Variants in DHX8 observed in about 807,000 individuals in gnomAD.
DHX8 encodes ATP-dependent RNA helicase DHX8.
In DHX8, 67 loss-of-function variants were observed where a neutral mutation model predicts 140.7. The ratio of observed to expected loss-of-function variants is 0.48; its 90% CI spans 0.39 to 0.58. The LOEUF (loss-of-function observed/expected upper bound fraction) is 0.58. DHX8 is among the 20% of genes least tolerant of loss of function. The pLI, the probability that DHX8 is intolerant of heterozygous loss-of-function variation, is 0.00. For missense variants in DHX8, 887 were observed against 1,550.7 expected (o/e 0.57, Z 7.19); for synonymous variants, 533 against 553.2 (o/e 0.96, Z 0.51).
At chr17:43,516,493 G>A (rs1317662174) in intron 17 of DHX8, among the ~76,000 whole-genome samples, 2 of 152,108 alleles carry the variant, frequency 1.3e-5, no homozygotes, top group African/African-American at 4.8e-5. Context: ...TGCCCAGGCT[G>A]TAGTGCAGTG....
intron 17 of DHX8, among the ~76,000 whole-genome samples, chr17:43,514,831 T>C (rs1336369839): frequency 6.6e-6 from 1 of 152,238 alleles, no homozygotes; most frequent in Non-Finnish European, 1.5e-5. Flanking sequence ...TTGGTGGCAT[T>C]AACATGGTGG....
intron 17 of DHX8, among the ~76,000 whole-genome samples, chr17:43,514,127 A>C (rs1214744918): frequency 6.6e-6 from 1 of 152,148 alleles, no homozygotes; most frequent in African/African-American, 2.4e-5. Flanking sequence ...GGATTGCTTG[A>C]GGCCAAGAGT....
Position 43,520,118 on chromosome 17 carries a change from T to G in DHX8, c.2800-12T>G, listed in dbSNP as rs1227639895. ...ACCCTCTTATCACATGCCTTCTTCC[T>G]TTCTGTTCTAGGCCATGGGTATCAA... On this transcript the variant is annotated splice_polypyrimidine_tract_variant and intron_variant, in intron 18 of 22. Transcript: ENST00000262415. 1 of 1,614,058 alleles carries G rather than the reference T, an allele frequency of 6.2e-7. No homozygotes were observed. The highest frequency in any genetic ancestry group is 1.1e-5 in the South Asian group (1 of 91,036).
intron 19 of DHX8, 93 bp from the exon 20 acceptor site, chr17:43,520,658 G>A (rs1053511727): frequency 6.8e-7 from 1 of 1,479,766 alleles, no homozygotes; most frequent in African/African-American, 1.4e-5. Flanking sequence ...GGGAAAATCT[G>A]TGTTGTTACC....
At chr17:43,486,688 G>C (rs964408460) in intron 1 of DHX8, among the ~76,000 whole-genome samples, 2 of 152,028 alleles carry the variant, frequency 1.3e-5, no homozygotes, top group Admixed American at 6.6e-5. Flanking sequence ...AGACCAGCCT[G>C]ACCAACATGG....
downstream of DHX8, among the ~76,000 whole-genome samples, chr17:43,530,749 G>A (rs1027452011): frequency 1.3e-5 from 2 of 151,914 alleles, no homozygotes; most frequent in African/African-American, 4.8e-5. Context: ...CATTCCATAG[G>A]ATAGGAACCT....
chr17:43,507,821 C>T lies in DHX8; in HGVS notation c.2122C>T (p.Arg708Trp), dbSNP rs764176155. 8.7e-6 allele frequency: 14 copies of T among 1,614,014 alleles called. No individual in the cohort carries two copies. Among genetic ancestry groups the T allele is most frequent in the African/African-American group, 5.3e-5 (4 of 74,914 alleles). ...FGLLKKTVQK[R>W]QDMKLIVTSA... is the part of the protein sequence containing the mutation. ...TATTTCTCTTCAGACAGTTCAGAAA[C>T]GGCAGGACATGAAGCTGATTGTCAC... Residue 708 changes from arginine (R) to tryptophan (W), a missense_variant, in exon 15 of 23, where the codon CGG becomes TGG. Around this residue, in one of 9 missense-constraint regions of DHX8, gnomAD observed 178 missense variants for 398.5 expected, o/e 0.45. Transcript: ENST00000262415.
intron 3 of DHX8, 139 bp from the exon 4 acceptor site, chr17:43,491,026 G>A (rs1968488334): frequency 2.4e-6 from 1 of 421,158 alleles, no homozygotes; most frequent in African/African-American, 2.1e-5. Flanking sequence ...ATAGTAACAG[G>A]TATGATTAAT....
intron 9 of DHX8, among the ~76,000 whole-genome samples, chr17:43,497,840 C>T (rs925142541): frequency 3.0e-4 from 45 of 152,208 alleles, no homozygotes; most frequent in Non-Finnish European, 1.5e-5. Flanking sequence ...GGTTTCTGTA[C>T]CGTTTATACT....
At chr17:43,493,101 G>T in intron 6 of DHX8, 61 bp downstream of exon 6, 1 of 1,557,458 alleles carries the variant, frequency 6.4e-7, no homozygotes, top group Non-Finnish European at 8.7e-7. Context: ...TATCACTGAG[G>T]ATGTTCACAT....
chr17:43,526,575 G>A, downstream of DHX8: 1 of 1,535,658 alleles, frequency 6.5e-7, no homozygotes, highest in Non-Finnish European at 8.7e-7. Flanking sequence ...TTTGAACAAA[G>A]AACTGGGACT....
At chr17:43,499,517 A>G (rs1321074252) in intron 10 of DHX8, among the ~76,000 whole-genome samples, 1 of 152,204 alleles carries the variant, frequency 6.6e-6, no homozygotes, top group Non-Finnish European at 1.5e-5. Context: ...TGACATTGTT[A>G]GTGACAGGGA....
At chr17:43,541,885 G>C (rs1384371406) in intron 3 of DHX8, among the ~76,000 whole-genome samples, 3 of 152,208 alleles carry the variant, frequency 2.0e-5, no homozygotes, top group Non-Finnish European at 4.4e-5. Context: ...AGCTGGGAAA[G>C]ATTAGGGAGG....
At chr17:43,511,385 T>C (rs1326512793) in intron 16 of DHX8, among the ~76,000 whole-genome samples, 1 of 151,632 alleles carries the variant, frequency 6.6e-6, no homozygotes, top group African/African-American at 2.4e-5. Context: ...TCTTGAATAA[T>C]GCTGCTGTGA....
downstream of DHX8, chr17:43,530,523 G>A (rs954354357): frequency 1.0e-6 from 1 of 995,360 alleles, no homozygotes; most frequent in African/African-American, 1.6e-5. Context: ...TCCGGGGAAA[G>A]AGTTCGGTGT....
At chr17:43,536,969 C>G (rs1375567229) in intron 3 of DHX8, among the ~76,000 whole-genome samples, 1 of 152,246 alleles carries the variant, frequency 6.6e-6, no homozygotes, top group Non-Finnish European at 1.5e-5. Flanking sequence ...TGAAGTGAAA[C>G]AGCCTCGCCC....
chr17:43,497,282 T>C (rs75491854), intron 9 of DHX8, among the ~76,000 whole-genome samples: 36,211 of 151,930 alleles, frequency 0.24, 4,378 homozygotes, highest in East Asian at 0.32. Flanking sequence ...CACTCACTTT[T>C]ATTGCTATAG....
intron 11 of DHX8, among the ~76,000 whole-genome samples, chr17:43,504,343 GC>G (rs1311279802): frequency 6.6e-6 from 1 of 152,078 alleles, no homozygotes; most frequent in Non-Finnish European, 1.5e-5. Context: ...GGATGACAGA[GC>G]AAGACCCTAC....
intron 11 of DHX8, among the ~76,000 whole-genome samples, chr17:43,502,393 A>G (rs1323189778): frequency 1.3e-5 from 2 of 152,004 alleles, no homozygotes; most frequent in East Asian, 3.8e-4. Context: ...TCTGTATTTT[A>G]TTTTATTTTG....
Sources: gnomAD v4.1 joint callset for allele counts (sites outside exome capture counted in the v4.1 genomes callset) on GRCh38, gnomAD v4.1.1 for gene constraint, gnomAD v4.1.1 regional missense constraint, MANE v1.5 for transcripts, NCBI Gene and HGNC (gene_info 2026-07-23, HGNC 2026-07-21) for gene names.